ATP8A2: variants seen among roughly 807,000 people sequenced by gnomAD.
ATP8A2 encodes the protein phospholipid-transporting ATPase IB.
Under a neutral mutation model 165.6 loss-of-function variants are expected in ATP8A2, and 100 were observed. The ratio of observed to expected loss-of-function variants is 0.60; its 90% CI spans 0.51 to 0.71. The LOEUF (loss-of-function observed/expected upper bound fraction) is 0.71. ATP8A2 is among the 30% of genes least tolerant of loss of function. ATP8A2 has a pLI of 0.00. For synonymous variants in ATP8A2, 543 were observed against 548.8 expected (o/e 0.99, Z 0.15); for missense variants, 1,227 against 1,479.5 (o/e 0.83, Z 2.80).
intron 35 of ATP8A2, 92 bp from the exon 36 acceptor site, chr13:26,012,439 T>A (rs888739681): frequency 5.8e-5 from 58 of 997,618 alleles, no homozygotes; most frequent in Non-Finnish European, 7.6e-5. Context: ...GGGGAGGTGA[T>A]CCCCCACCTC....
chr13:25,903,224 CT>C (rs1953819338), intron 33 of ATP8A2, among the ~76,000 whole-genome samples: 1 of 152,170 alleles, frequency 6.6e-6, no homozygotes, highest in Non-Finnish European at 1.5e-5. Context: ...TTATTCTTGA[CT>C]TTTCTCTCTC....
chr13:25,415,003 A>T (rs985367718), intron 1 of ATP8A2, among the ~76,000 whole-genome samples: 2 of 152,210 alleles, frequency 1.3e-5, no homozygotes, highest in African/African-American at 4.8e-5. Context: ...GCAAAAGAGC[A>T]TGATGCTTTT....
intron 2 of ATP8A2, among the ~76,000 whole-genome samples, chr13:25,511,156 T>G (rs1182534864): frequency 2.0e-5 from 3 of 152,252 alleles, no homozygotes; most frequent in African/African-American, 7.2e-5. Context: ...GTCCAAGTAG[T>G]GAGGCAGTGT....
At chr13:25,886,724 C>T (rs184895039) in intron 33 of ATP8A2, among the ~76,000 whole-genome samples, 10 of 152,266 alleles carry the variant, frequency 6.6e-5, no homozygotes, top group East Asian at 5.8e-4. Context: ...TGTTCCATAG[C>T]GTATAGGAAA....
chr13:25,791,391 G>A (rs1566141992), intron 27 of ATP8A2, among the ~76,000 whole-genome samples: 1 of 152,110 alleles, frequency 6.6e-6, no homozygotes, highest in Non-Finnish European at 1.5e-5. Context: ...GAGGGTGGAG[G>A]ATGGGAGTAG....
At chr13:25,954,125 A>G (rs898650705) in intron 33 of ATP8A2, among the ~76,000 whole-genome samples, 13 of 152,212 alleles carry the variant, frequency 8.5e-5, no homozygotes, top group African/African-American at 3.1e-4. Flanking sequence ...TCTTGCTGAC[A>G]GCACAGCTGT....
intron 33 of ATP8A2, among the ~76,000 whole-genome samples, chr13:25,899,658 C>T (rs746731945): frequency 6.6e-6 from 1 of 151,986 alleles, no homozygotes; most frequent in East Asian, 1.9e-4. Context: ...GTTCTGAGGA[C>T]AGGGCCACAG....
intron 1 of ATP8A2, among the ~76,000 whole-genome samples, chr13:25,438,585 G>A (rs1372705976): frequency 6.6e-6 from 1 of 151,944 alleles, no homozygotes; most frequent in South Asian, 2.1e-4. Context: ...AGGCTACAAC[G>A]AGCTATGGTT....
At chr13:25,462,801 G>C (rs562564287) in intron 1 of ATP8A2, among the ~76,000 whole-genome samples, 3 of 152,096 alleles carry the variant, frequency 2.0e-5, no homozygotes, top group Non-Finnish European at 4.4e-5. Flanking sequence ...CAGGAACTCA[G>C]GTGTGCACAG....
rs1955846894 is a variant in ATP8A2 at position 25,968,800 on chromosome 13, A to C, written c.3377+121A>C. The C allele has an allele frequency of 7.9e-6, 6 of 754,926 alleles. No individual in the cohort carries two copies. The South Asian group carries it at 1.1e-4, about 14-fold the overall frequency. 46.8% of individuals were successfully genotyped at this position (754,926 alleles called of 1,614,324 possible). On this transcript the variant is annotated intron_variant, in intron 35 of 36. Coordinates refer to ENST00000381655, the MANE Select transcript of ATP8A2 (RefSeq NM_016529.6). ...ATGGGAGCACAGTATGCTCAGGCTTAAGAATTTTGGTTATTCTCAGATTTA... is the reference window on the plus strand; with the variant it reads ...ATGGGAGCACAGTATGCTCAGGCTTCAGAATTTTGGTTATTCTCAGATTTA...
intron 33 of ATP8A2, among the ~76,000 whole-genome samples, chr13:25,876,843 A>T (rs1278169416): frequency 6.6e-6 from 1 of 152,198 alleles, no homozygotes; most frequent in Non-Finnish European, 1.5e-5. Flanking sequence ...TAAATATTGC[A>T]TTGGGGCATT....
At chr13:25,535,871 G>A (rs1176995527) in intron 6 of ATP8A2, among the ~76,000 whole-genome samples, 1 of 151,562 alleles carries the variant, frequency 6.6e-6, no homozygotes, top group African/African-American at 2.4e-5. Flanking sequence ...ATCCAAGTAA[G>A]TCATTTCTTA....
intron 24 of ATP8A2, among the ~76,000 whole-genome samples, chr13:25,638,852 G>C (rs916068017): frequency 1.3e-5 from 2 of 152,188 alleles, no homozygotes; most frequent in African/African-American, 4.8e-5. Flanking sequence ...AGGGCAGCCA[G>C]AGAGAACGGT....
chr13:25,519,140 C>T (rs763690938), intron 2 of ATP8A2, among the ~76,000 whole-genome samples: 2 of 152,188 alleles, frequency 1.3e-5, no homozygotes, highest in South Asian at 2.1e-4. Flanking sequence ...TTTCTGCACT[C>T]GCTGTCCCCT....
chr13:25,571,613 A>G lies in ATP8A2; in HGVS notation c.1583A>G (p.Glu528Gly). The G allele has an allele frequency of 6.2e-7, 1 of 1,612,560 alleles. No individual in the cohort carries two copies. Among genetic ancestry groups the G allele is most frequent in the Non-Finnish European group, 8.5e-7 (1 of 1,179,102 alleles). Residue 528 changes from glutamate to glycine, a missense_variant, in exon 18 of 37, where the codon GAA (glutamate) becomes GGA (glycine). Coordinates refer to ENST00000381655, the MANE Select transcript of ATP8A2 (RefSeq NM_016529.6). ...TTCACCAACTCCCACTTGACAGATG[A>G]AGCTGCTTTGGTGAAAGGAGCTAAA... ...NIIYQASSPD[E>G]AALVKGAKKL...
intron 10 of ATP8A2, among the ~76,000 whole-genome samples, chr13:25,547,999 A>T (rs2038705006): frequency 6.6e-6 from 1 of 152,142 alleles, no homozygotes; most frequent in East Asian, 1.9e-4. Context: ...GGAGGTGGGC[A>T]GATTGCCTGA....
intron 33 of ATP8A2, among the ~76,000 whole-genome samples, chr13:25,932,932 C>T (rs548795680): frequency 5.5e-4 from 84 of 152,230 alleles, no homozygotes; most frequent in African/African-American, 1.9e-3. Flanking sequence ...CTGCAACCTC[C>T]GCCTCCCAGG....
intron 15 of ATP8A2, among the ~76,000 whole-genome samples, chr13:25,561,137 G>A (rs1434677404): frequency 2.0e-5 from 3 of 152,004 alleles, no homozygotes; most frequent in African/African-American, 7.2e-5. Flanking sequence ...TGCCTGTCTC[G>A]GCCTCCCAAA....
intron 24 of ATP8A2, among the ~76,000 whole-genome samples, chr13:25,635,836 A>G (rs984543406): frequency 2.6e-5 from 4 of 152,250 alleles, no homozygotes; most frequent in Admixed American, 1.3e-4. Context: ...TTTGTCCTCA[A>G]GGGGCTCAGA....
Sources: allele counts gnomAD v4.1 joint callset (sites outside exome capture counted in the v4.1 genomes callset), GRCh38; gene constraint gnomAD v4.1.1; transcripts MANE v1.5; gene names NCBI Gene and HGNC (gene_info 2026-07-23, HGNC 2026-07-21).